The following TRPM3 variants were observed in gnomAD, a reference collection of about 807,000 sequenced individuals.
The protein encoded by TRPM3 is long transient receptor potential channel 3.
Under a neutral mutation model 181.2 loss-of-function variants are expected in TRPM3, and 77 were observed. The ratio of observed to expected loss-of-function variants is 0.42; its 90% confidence interval spans 0.35 to 0.51. TRPM3 has a LOEUF of 0.51. Among genes scored for constraint, TRPM3 ranks in the 20% least tolerant of loss-of-function variants. The probability of loss-of-function intolerance (pLI) is 0.01; values close to 1 mark genes in which losing one functional copy is unlikely to be tolerated. For missense variants in TRPM3, 1,759 were observed against 2,196.7 expected (o/e 0.80, Z 3.98); for synonymous variants, 745 against 796.4 (o/e 0.94, Z 1.09).
At chr9:70,902,446 G>A (rs2096400457) in intron 1 of TRPM3, among the ~76,000 whole-genome samples, 1 of 152,144 alleles carries the variant, frequency 6.6e-6, no homozygotes, top group South Asian at 2.1e-4. Context: ...CACTCTGAAG[G>A]CAATTTATTT....
chr9:70,989,904 G>A (rs1178967059), intron 1 of TRPM3, among the ~76,000 whole-genome samples: 1 of 152,126 alleles, frequency 6.6e-6, no homozygotes, highest in Admixed American at 6.5e-5. Flanking sequence ...TAAACAGTGA[G>A]AATAACACCT....
chr9:71,229,492 G>C (rs1230896903), intron 1 of TRPM3, among the ~76,000 whole-genome samples: 3 of 152,086 alleles, frequency 2.0e-5, no homozygotes, highest in African/African-American at 7.2e-5. Context: ...CTTCTTCACA[G>C]TAAAGGAAAT....
intron 10 of TRPM3, among the ~76,000 whole-genome samples, chr9:70,639,548 C>G (rs942454973): frequency 4.6e-5 from 7 of 152,292 alleles, no homozygotes; most frequent in Middle Eastern, 6.8e-3. Context: ...AAAGGGGGCA[C>G]TTTTGCTGTC....
At chr9:71,185,567 C>T (rs933973172) in intron 1 of TRPM3, among the ~76,000 whole-genome samples, 1 of 152,034 alleles carries the variant, frequency 6.6e-6, no homozygotes, top group Non-Finnish European at 1.5e-5. Context: ...TTAGGACAGC[C>T]TTTGAACAAA....
chr9:71,295,974 T>C (rs965818101), intron 1 of TRPM3, among the ~76,000 whole-genome samples: 1 of 152,196 alleles, frequency 6.6e-6, no homozygotes, highest in African/African-American at 2.4e-5. Context: ...CTGCTTCTTC[T>C]TCATCCTCTC....
At chr9:71,429,759 T>C (rs1156839795) in intron 1 of TRPM3, among the ~76,000 whole-genome samples, 1 of 152,180 alleles carries the variant, frequency 6.6e-6, no homozygotes, top group African/African-American at 2.4e-5. Context: ...GGAGCATTTG[T>C]GCACATAGGT....
chr9:70,944,440 T>C (rs2048117015), intron 1 of TRPM3, among the ~76,000 whole-genome samples: 1 of 152,140 alleles, frequency 6.6e-6, no homozygotes, highest in South Asian at 2.1e-4. Flanking sequence ...CCCACTTTTC[T>C]CTTATTTTCT....
chr9:71,302,061 C>T (rs1045180976), intron 1 of TRPM3, among the ~76,000 whole-genome samples: 2 of 152,018 alleles, frequency 1.3e-5, no homozygotes, highest in Admixed American at 6.6e-5. Flanking sequence ...ATATAGCAAA[C>T]TCCAAATGTC....
chr9:70,770,960 G>T (rs532604545), intron 7 of TRPM3, among the ~76,000 whole-genome samples: 1 of 152,274 alleles, frequency 6.6e-6, no homozygotes, highest in South Asian at 2.1e-4. Flanking sequence ...TTCGGATGAA[G>T]TAGGCCTGTG....
At position 71,374,023 on chromosome 9, in the gene TRPM3, C is replaced by T. The variant is rs1293074392; in HGVS notation, c.183+72630G>A. Among the ~76,000 whole-genome samples the T allele has an allele frequency of 3.3e-5, 5 of 152,164 alleles. No individual in the cohort carries two copies. The South Asian group carries it at 6.2e-4, about 19-fold the overall frequency. ...TAAACAGAACTAAAGACAAAAAGCACGATAATCTCTACAGATGCAGAAATG... is the reference window on the plus strand; with the variant it reads ...TAAACAGAACTAAAGACAAAAAGCATGATAATCTCTACAGATGCAGAAATG... On this transcript the variant is annotated intron_variant, in intron 1 of 24. Coordinates refer to the TRPM3 transcript ENST00000357533.
chr9:71,003,692 G>A (rs1271187080), intron 1 of TRPM3, among the ~76,000 whole-genome samples: 3 of 152,020 alleles, frequency 2.0e-5, no homozygotes, highest in Admixed American at 1.3e-4. Flanking sequence ...AATAAAGTTC[G>A]GTATCGTTTT....
chr9:70,876,278 T>C (rs1005608195), intron 1 of TRPM3, among the ~76,000 whole-genome samples: 2 of 149,252 alleles, frequency 1.3e-5, no homozygotes, highest in Admixed American at 6.7e-5. Flanking sequence ...TATACATACA[T>C]ACACACACAC....
intron 1 of TRPM3, among the ~76,000 whole-genome samples, chr9:71,118,661 A>G (rs967506858): frequency 6.6e-5 from 10 of 152,176 alleles, no homozygotes; most frequent in African/African-American, 2.4e-4. Context: ...TATTAGAACA[A>G]TGCTTGGAAG....
intron 1 of TRPM3, among the ~76,000 whole-genome samples, chr9:70,917,929 G>A (rs1229990998): frequency 1.3e-5 from 2 of 150,740 alleles, no homozygotes; most frequent in African/African-American, 4.9e-5. Context: ...GACACACACA[G>A]ACTAAAAATA....
At chr9:71,201,129 A>G (rs1312960484) in intron 1 of TRPM3, among the ~76,000 whole-genome samples, 1 of 151,546 alleles carries the variant, frequency 6.6e-6, no homozygotes, top group Non-Finnish European at 1.5e-5. Context: ...TCCTTCACTT[A>G]TGAAGCTTAG....
chr9:71,324,858 T>A (rs2089542349), intron 1 of TRPM3, among the ~76,000 whole-genome samples: 2 of 151,948 alleles, frequency 1.3e-5, no homozygotes, highest in Admixed American at 1.3e-4. Context: ...GTGAAACAAA[T>A]ATTGCAGTTC....
rs79087360 is a variant in TRPM3 at position 71,103,643 on chromosome 9, T to G, written c.177+17535A>C. On this transcript the variant is annotated intron_variant, in intron 1 of 25. Transcript: ENST00000677713. ...GTCTAAATATAACTGATTAAAGAAG[T>G]AAATGTGGATGGATAGGGAGATAAA... 6.2e-3 allele frequency among the ~76,000 whole-genome samples: 949 copies of G among 152,238 alleles called. 8 individuals are homozygous for G. Among genetic ancestry groups the G allele is most frequent in the African/African-American group, 0.021 (883 of 41,546 alleles).
At chr9:70,974,261 C>T (rs1039580477) in intron 1 of TRPM3, among the ~76,000 whole-genome samples, 2 of 151,902 alleles carry the variant, frequency 1.3e-5, no homozygotes, top group African/African-American at 2.4e-5. Flanking sequence ...TTTACGTGGC[C>T]GGGCGCGGTG....
At chr9:70,598,392 A>C in intron 21 of TRPM3, 27 bp downstream of exon 21, 2 of 1,608,056 alleles carry the variant, frequency 1.2e-6, no homozygotes, top group Non-Finnish European at 1.7e-6. Context: ...GAAAACTTAT[A>C]ACATGGAATC....
Sources: gnomAD v4.1 joint callset for allele counts (sites outside exome capture counted in the v4.1 genomes callset) on GRCh38, gnomAD v4.1.1 for gene constraint, MANE v1.5 for transcripts, NCBI Gene and HGNC (gene_info 2026-07-23, HGNC 2026-07-21) for gene names.